The following EPC1 variants were observed in gnomAD, a reference collection of about 807,000 sequenced individuals.
The protein encoded by EPC1 is enhancer of polycomb 1.
A neutral mutation model predicts 98.4 loss-of-function variants in EPC1; 12 were observed. The observed-to-expected ratio is 0.12, with a 90% confidence interval of 0.08 to 0.20. EPC1 has a LOEUF of 0.20. Ranked by LOEUF, EPC1 falls within the 10% of genes least tolerant of loss-of-function variation. The probability of loss-of-function intolerance (pLI) is 1.00; values close to 1 mark genes in which losing one functional copy is unlikely to be tolerated. For synonymous variants in EPC1, 357 were observed against 363.9 expected (o/e 0.98, Z 0.21); for missense variants, 729 against 990.5 (o/e 0.74, Z 3.54).
intron 2 of EPC1, among the ~76,000 whole-genome samples, chr10:32,302,641 C>G (rs1835630466): frequency 1.9e-5 from 2 of 104,790 alleles, no homozygotes; most frequent in Admixed American, 1.1e-4. Flanking sequence ...CAGAGTGAGA[C>G]TCCATCTCAA....
chr10:32,326,249 C>T lies in EPC1; in HGVS notation c.154-20318G>A, dbSNP rs563282801. ...TGGTATGATTGTACTTTCTGGCTGTCGTGTGGCTGGGAGGGGTTAGGTGCC... is the reference window on the plus strand; with the variant it reads ...TGGTATGATTGTACTTTCTGGCTGTTGTGTGGCTGGGAGGGGTTAGGTGCC... On this transcript the variant is annotated intron_variant, in intron 1 of 13. Coordinates refer to ENST00000319778, the MANE Select transcript of EPC1 (RefSeq NM_001272004.3). Among the ~76,000 whole-genome samples, 22 of 152,254 alleles carry T rather than the reference C, an allele frequency of 1.4e-4. No homozygotes were observed. In the East Asian group the frequency reaches 2.9e-3, roughly 20 times the overall value.
At chr10:32,330,037 G>A (rs1009586248) in intron 1 of EPC1, among the ~76,000 whole-genome samples, 2 of 152,142 alleles carry the variant, frequency 1.3e-5, no homozygotes, top group East Asian at 1.9e-4. Context: ...GGCTTTGGAG[G>A]TACTAAAAGG....
At chr10:32,272,301 A>G in intron 11 of EPC1, 134 bp from the exon 12 acceptor site, 1 of 659,228 alleles carries the variant, frequency 1.5e-6, no homozygotes, top group South Asian at 2.4e-5. Context: ...CTATTTTGGT[A>G]CCTTGAGATG....
chr10:32,331,282 G>A (rs989842819), intron 1 of EPC1, among the ~76,000 whole-genome samples: 1 of 151,514 alleles, frequency 6.6e-6, no homozygotes, highest in Admixed American at 6.6e-5. Flanking sequence ...AACCCGGGAG[G>A]CAGAGGTTGC....
chr10:32,344,317 A>C (rs948593839), intron 1 of EPC1, among the ~76,000 whole-genome samples: 13 of 152,218 alleles, frequency 8.5e-5, no homozygotes, highest in Admixed American at 7.9e-4. Context: ...CATTAGGTTC[A>C]GTGTCTATTC....
chr10:32,318,593 C>T (rs56857385), intron 1 of EPC1, among the ~76,000 whole-genome samples: 4,979 of 152,262 alleles, frequency 0.033, 270 homozygotes, highest in African/African-American at 0.11. Flanking sequence ...ATCGACACCC[C>T]TGCTCCATGA....
chr10:32,281,328 C>T (rs987754877), intron 10 of EPC1, among the ~76,000 whole-genome samples: 1 of 151,594 alleles, frequency 6.6e-6, no homozygotes, highest in African/African-American at 2.4e-5. Context: ...ACAGGCATGA[C>T]CCACTGTGCC....
chr10:32,373,696 T>G (rs1474112828), intron 1 of EPC1, among the ~76,000 whole-genome samples: 2 of 152,192 alleles, frequency 1.3e-5, no homozygotes, highest in African/African-American at 4.8e-5. Flanking sequence ...ATTTTAATAT[T>G]AGGATATGAT....
At position 32,317,827 on chromosome 10, in the gene EPC1, A is replaced by C. The variant is rs1372847086; in HGVS notation, c.154-11896T>G. 2.0e-5 allele frequency among the ~76,000 whole-genome samples: 3 copies of C among 152,208 alleles called. No individual in the cohort carries two copies. The East Asian group carries it at 5.8e-4, about 29-fold the overall frequency. ...CCTATCCTCTTGCTTAAAGCTCAGT[A>C]ATCAATTTCTAGAATACAAAAAGGA... On this transcript the variant is annotated intron_variant, in intron 1 of 13. Transcript: ENST00000319778.
intron 1 of EPC1, among the ~76,000 whole-genome samples, chr10:32,373,840 C>T (rs1326594774): frequency 2.0e-5 from 3 of 152,184 alleles, no homozygotes; most frequent in East Asian, 3.8e-4. Flanking sequence ...AAACCTAGAA[C>T]TCACTTGCCA....
At position 32,291,220 on chromosome 10, in the gene EPC1, A is replaced by G. The variant is rs780232973; in HGVS notation, c.918T>C (p.Asn306=). 7.4e-6 allele frequency: 12 copies of G among 1,613,962 alleles called. No homozygotes were observed. The highest frequency in any genetic ancestry group is 2.2e-5 in the East Asian group (1 of 44,870). Residue 306 remains asparagine, a synonymous_variant, in exon 6 of 14, where the codon AAT becomes AAC. Coordinates refer to ENST00000319778, the MANE Select transcript of EPC1 (RefSeq NM_001272004.3). The part of the protein sequence containing the change: ...TYAIPIIPIT[N]SSQFKHQEAM... ...CTTCCTGGTGTTTAAATTGACTGCT[A>G]TTAGTAATAGGGATGATGGGGATGG...
chr10:32,320,037 G>T lies in EPC1; in HGVS notation c.154-14106C>A, dbSNP rs1035963738. 5.3e-5 allele frequency among the ~76,000 whole-genome samples: 8 copies of T among 152,104 alleles called. No individual in the cohort carries two copies. In the East Asian group the frequency reaches 1.2e-3, roughly 22 times the overall value. On this transcript the variant is annotated intron_variant, in intron 1 of 13. Transcript: ENST00000319778. ...ACGATGTAGGCAACTTAAATGGTTT[G>T]GGAAAAACATATGTGTGTACATATG...
intron 2 of EPC1, 89 bp from the exon 3 acceptor site, chr10:32,293,826 T>C: frequency 8.3e-7 from 1 of 1,205,704 alleles, no homozygotes; most frequent in Non-Finnish European, 1.1e-6. Context: ...AGACCTAGAC[T>C]TTCTAAAGAA....
chr10:32,316,530 A>G (rs746701154), intron 1 of EPC1, among the ~76,000 whole-genome samples: 3 of 152,224 alleles, frequency 2.0e-5, no homozygotes, highest in Admixed American at 6.5e-5. Flanking sequence ...ACATGGGTAA[A>G]TCTCAAAAAC....
chr10:32,330,770 G>C (rs1185812314), intron 1 of EPC1, among the ~76,000 whole-genome samples: 1 of 152,034 alleles, frequency 6.6e-6, no homozygotes, highest in Non-Finnish European at 1.5e-5. Flanking sequence ...ACGCATCCTT[G>C]AGAAATAGTT....
Position 32,346,940 on chromosome 10 carries a change from G to A in EPC1, c.-25C>T, listed in dbSNP as rs528980662. 321 of 1,610,366 alleles carry A rather than the reference G, an allele frequency of 2.0e-4. 4 individuals are homozygous for A. The South Asian group carries it at 3.4e-3, about 17-fold the overall frequency. On this transcript the variant is annotated 5_prime_UTR_variant, in exon 1 of 14. Coordinates refer to ENST00000319778, the MANE Select transcript of EPC1 (RefSeq NM_001272004.3). ...TCTCAGGCGCAGCAGATACCTCTCCGCTCTGGGGAAACGGCCCCGGCCAGC... is the reference window on the plus strand; with the variant it reads ...TCTCAGGCGCAGCAGATACCTCTCCACTCTGGGGAAACGGCCCCGGCCAGC...
chr10:32,270,616 G>T (rs2132630053), intron 13 of EPC1, among the ~76,000 whole-genome samples: 1 of 152,188 alleles, frequency 6.6e-6, no homozygotes, highest in East Asian at 1.9e-4. Flanking sequence ...CCTGAGGTCA[G>T]GGGTTCAAGA....
chr10:32,268,823 G>T lies in EPC1; in HGVS notation c.*240C>A. ...GTATTCAAGTAACATATATACAAGG[G>T]TATTACAAATATGCAGTACTGTACA... is the stretch of plus-strand genomic sequence containing the variant. On this transcript the variant is annotated 3_prime_UTR_variant, in exon 14 of 14. Transcript: ENST00000319778. 4.7e-6 allele frequency: 1 copy of T among 213,280 alleles called. No individual in the cohort carries two copies. The highest frequency in any genetic ancestry group is 8.8e-6 in the Non-Finnish European group (1 of 113,164). The allele number at this position is 213,280 out of a possible 1,614,324, so 13.2% of individuals were successfully genotyped here.
intron 10 of EPC1, among the ~76,000 whole-genome samples, chr10:32,279,584 A>C (rs1351199400): frequency 6.6e-6 from 1 of 152,218 alleles, no homozygotes. Context: ...AAATAAACCA[A>C]ATCTTTACTG....
Sources: allele counts gnomAD v4.1 joint callset (sites outside exome capture counted in the v4.1 genomes callset), GRCh38; gene constraint gnomAD v4.1.1; transcripts MANE v1.5; gene names NCBI Gene and HGNC (gene_info 2026-07-23, HGNC 2026-07-21).